PMS1: variants seen among roughly 807,000 people sequenced by gnomAD.
The protein encoded by PMS1 is PMS1 homolog 1, mismatch repair system component, also known as PMS1 protein homolog 1.
A neutral mutation model predicts 93.1 loss-of-function variants in PMS1; 79 were observed. The observed-to-expected ratio is 0.85, with a 90% CI of 0.71 to 1.02. The LOEUF (loss-of-function observed/expected upper bound fraction) is 1.02. Among genes scored for constraint, PMS1 ranks in the 50% least tolerant of loss-of-function variants. PMS1 has a pLI of 0.00. For synonymous variants in PMS1, 335 were observed against 363.4 expected (o/e 0.92, Z 0.89); for missense variants, 1,064 against 1,085.3 (o/e 0.98, Z 0.28).
At chr2:189,792,135 G>A (rs376994570) in intron 2 of PMS1, among the ~76,000 whole-genome samples, 194 bp downstream of exon 2, 1 of 151,964 alleles carries the variant, frequency 6.6e-6, no homozygotes, top group Non-Finnish European at 1.5e-5. Flanking sequence ...TAACACTAAA[G>A]GAAATATAAA....
intron 6 of PMS1, among the ~76,000 whole-genome samples, chr2:189,849,325 C>A (rs1308683747): frequency 6.6e-6 from 1 of 152,026 alleles, no homozygotes; most frequent in Non-Finnish European, 1.5e-5. Context: ...CTCATCATTG[C>A]CTGATTTTAA....
chr2:189,832,470 C>CT (rs912101315), intron 5 of PMS1, among the ~76,000 whole-genome samples: 75 of 147,326 alleles, frequency 5.1e-4, no homozygotes, highest in Non-Finnish European at 4.2e-4. Context: ...GAAGGGTTTT[C>CT]TTTTTTTTTT....
chr2:189,803,982 A>G (rs1331770449), intron 3 of PMS1, among the ~76,000 whole-genome samples: 2 of 152,200 alleles, frequency 1.3e-5, no homozygotes, highest in African/African-American at 2.4e-5. Flanking sequence ...TGGAGTATAT[A>G]TGTTTAAAGG....
intron 1 of PMS1, among the ~76,000 whole-genome samples, chr2:189,791,180 T>C (rs1412396613): frequency 1.3e-5 from 2 of 152,166 alleles, no homozygotes; most frequent in African/African-American, 2.4e-5. Context: ...TAGGTATCAA[T>C]AGAGGAATTG....
chr2:189,841,705 A>G (rs1389923905), intron 5 of PMS1, among the ~76,000 whole-genome samples: 1 of 148,758 alleles, frequency 6.7e-6, no homozygotes, highest in Admixed American at 6.8e-5. Flanking sequence ...TTTCTCTGTT[A>G]TAGACTTCTG....
chr2:189,810,986 A>G (rs1305875855), intron 4 of PMS1, among the ~76,000 whole-genome samples: 1 of 151,886 alleles, frequency 6.6e-6, no homozygotes, highest in Non-Finnish European at 1.5e-5. Context: ...CAGACAAAAA[A>G]AAAAAAACTT....
At chr2:189,799,179 G>T (rs573746449) in intron 3 of PMS1, among the ~76,000 whole-genome samples, 8 of 152,182 alleles carry the variant, frequency 5.3e-5, no homozygotes, top group Non-Finnish European at 7.3e-5. Context: ...AATTACAAAA[G>T]AATTGTCAAA....
At chr2:189,865,834 T>C (rs5743162) in intron 10 of PMS1, among the ~76,000 whole-genome samples, 1 of 152,220 alleles carries the variant, frequency 6.6e-6, no homozygotes, top group East Asian at 1.9e-4. Flanking sequence ...AAAGATAATT[T>C]GTTCCCTAGG....
At chr2:189,802,518 C>T (rs888437821) in intron 3 of PMS1, among the ~76,000 whole-genome samples, 1 of 152,080 alleles carries the variant, frequency 6.6e-6, no homozygotes, top group Admixed American at 6.6e-5. Flanking sequence ...TTAAGTGGAC[C>T]TGCACAGTTC....
At chr2:189,808,955 A>G (rs577790317) in intron 4 of PMS1, among the ~76,000 whole-genome samples, 2 of 152,116 alleles carry the variant, frequency 1.3e-5, no homozygotes, top group South Asian at 4.1e-4. Context: ...AGCTTTCCAA[A>G]TTGATTTACC....
rs1000974186 is a variant in PMS1, at chr2:189,854,539, A to G, written c.1267A>G (p.Ser423Gly). The G allele has an allele frequency of 6.2e-7, 1 of 1,613,316 alleles. No homozygotes were observed. The highest frequency in any genetic ancestry group is 1.3e-5 in the African/African-American group (1 of 74,922). ...TGACTTTGGTTATGGTCATTGTAGT[A>G]GTGAAATTTCTAACATTGATAAAAA... is the stretch of plus-strand genomic sequence containing the variant. ...IGDFGYGHCS[S>G]EISNIDKNTK... Residue 423 changes from serine (S) to glycine (G), a missense_variant, in exon 9 of 13, where the codon AGT becomes GGT. Ser to Gly is a moderately conservative substitution (Grantham distance 56, BLOSUM62 0). Coordinates refer to ENST00000441310, the MANE Select transcript of PMS1 (RefSeq NM_000534.5).
At chr2:189,828,887 G>T (rs1171684891) in intron 5 of PMS1, among the ~76,000 whole-genome samples, 1 of 117,860 alleles carries the variant, frequency 8.5e-6, no homozygotes, top group South Asian at 2.8e-4. Flanking sequence ...GTGTGTCTCT[G>T]AAAAAAAAAA....
At chr2:189,850,365 CA>C (rs1472643094) in intron 6 of PMS1, among the ~76,000 whole-genome samples, 3 of 152,074 alleles carry the variant, frequency 2.0e-5, no homozygotes, top group African/African-American at 7.2e-5. Context: ...AGGTAGCTGG[CA>C]GAGCCCTTAT....
At chr2:189,851,871 T>C (rs1277963051) in intron 6 of PMS1, among the ~76,000 whole-genome samples, 1 of 152,208 alleles carries the variant, frequency 6.6e-6, no homozygotes, top group African/African-American at 2.4e-5. Flanking sequence ...GGCTCTGTCT[T>C]ATATTCTTAA....
chr2:189,816,694 G>A (rs979704185), intron 4 of PMS1, among the ~76,000 whole-genome samples: 36 of 151,836 alleles, frequency 2.4e-4, no homozygotes, highest in African/African-American at 7.3e-4. Context: ...TTAAAACTAC[G>A]TAAAATTTTA....
chr2:189,803,863 A>T (rs1354207484), intron 3 of PMS1, among the ~76,000 whole-genome samples: 2 of 152,198 alleles, frequency 1.3e-5, no homozygotes, highest in Non-Finnish European at 2.9e-5. Flanking sequence ...ATTTTACAAA[A>T]TTTTAATGTT....
intron 2 of PMS1, among the ~76,000 whole-genome samples, chr2:189,793,919 A>T (rs1485947169): frequency 2.0e-5 from 3 of 152,154 alleles, no homozygotes; most frequent in African/African-American, 7.2e-5. Context: ...GAACATTTAA[A>T]CAAATCTTTG....
At chr2:189,804,432 A>G (rs1419046787) in intron 3 of PMS1, among the ~76,000 whole-genome samples, 1 of 152,102 alleles carries the variant, frequency 6.6e-6, no homozygotes, top group East Asian at 1.9e-4. Context: ...GAAACTCCCA[A>G]CTTTGTTTTA....
intron 2 of PMS1, 112 bp downstream of exon 2, chr2:189,792,053 C>G: frequency 9.7e-6 from 9 of 925,446 alleles, no homozygotes. Flanking sequence ...ATAAATTATT[C>G]TTAGGACATT....
Sources: gnomAD v4.1 joint callset for allele counts (sites outside exome capture counted in the v4.1 genomes callset) on GRCh38, gnomAD v4.1.1 for gene constraint, MANE v1.5 for transcripts, NCBI Gene and HGNC (gene_info 2026-07-23, HGNC 2026-07-21) for gene names.